Variants in HIPK1 observed in about 807,000 individuals in gnomAD.
The protein encoded by HIPK1 is homeodomain-interacting protein kinase 1.
Under a neutral mutation model 117.1 loss-of-function variants are expected in HIPK1, and 28 were observed. The observed-to-expected ratio is 0.24, with a 90% CI of 0.18 to 0.33. The LOEUF (loss-of-function observed/expected upper bound fraction) is 0.33, where lower values mean the gene tolerates loss of function less well. Among genes scored for constraint, HIPK1 ranks in the 10% least tolerant of loss-of-function variants. The probability of loss-of-function intolerance (pLI) is 1.00; values close to 1 mark genes in which losing one functional copy is unlikely to be tolerated. For missense variants in HIPK1, 1,122 were observed against 1,475.1 expected, an observed-to-expected ratio of 0.76 and a Z score of 3.92; for synonymous variants, 605 against 562.5, an observed-to-expected ratio of 1.08 and a Z score of -1.07.
intron 1 of HIPK1, among the ~76,000 whole-genome samples, chr1:113,939,720 TG>T (rs1361911591): frequency 6.6e-6 from 1 of 152,004 alleles, no homozygotes; most frequent in African/African-American, 2.4e-5. Flanking sequence ...TGAGATCGGA[TG>T]GTTGAAAATG....
intron 13 of HIPK1, among the ~76,000 whole-genome samples, chr1:113,969,587 A>G (rs1451768595): frequency 6.6e-6 from 1 of 152,150 alleles, no homozygotes; most frequent in African/African-American, 2.4e-5. Context: ...GGAGAACCAG[A>G]GACAGATCAT....
At chr1:113,970,960 G>A (rs1672786493) in intron 14 of HIPK1, among the ~76,000 whole-genome samples, 1 of 152,200 alleles carries the variant, frequency 6.6e-6, no homozygotes, top group East Asian at 1.9e-4. Flanking sequence ...ATGCAAGTGA[G>A]CCCAGGCAAT....
intron 8 of HIPK1, among the ~76,000 whole-genome samples, chr1:113,961,958 A>C (rs1373889612): frequency 1.3e-5 from 2 of 151,518 alleles, no homozygotes; most frequent in African/African-American, 4.8e-5. Flanking sequence ...AAAAAAAAAA[A>C]AAAAAAAAAA....
At chr1:113,944,878 C>T (rs1440470889) in intron 2 of HIPK1, among the ~76,000 whole-genome samples, 1 of 151,966 alleles carries the variant, frequency 6.6e-6, no homozygotes, top group Non-Finnish European at 1.5e-5. Flanking sequence ...GACAGAGTCC[C>T]ACTTTGTCAC....
intron 3 of HIPK1, among the ~76,000 whole-genome samples, chr1:113,953,412 A>G (rs1671497649): frequency 6.6e-6 from 1 of 152,216 alleles, no homozygotes; most frequent in East Asian, 1.9e-4. Flanking sequence ...AAAAATAGAC[A>G]AACTTTAGGA....
At chr1:113,938,927 A>ATACACACAC (rs60152674) in intron 1 of HIPK1, among the ~76,000 whole-genome samples, 22 of 118,394 alleles carry the variant, frequency 1.9e-4, no homozygotes, top group African/African-American at 3.3e-4. Flanking sequence ...AAAAAAAAAA[A>ATACACACAC]ATACACACAC....
chr1:113,962,231 G>C lies in HIPK1; in HGVS notation c.1982-86G>C. On this transcript the variant is annotated intron_variant, in intron 8 of 15. Coordinates refer to ENST00000426820, the MANE Select transcript of HIPK1 (RefSeq NM_198268.3). ...TTAAAACCTGAACAGTGGATTATTT[G>C]AACAGAGAAGCTGAAAACAAAATAA... is the stretch of plus-strand genomic sequence containing the variant. 5 of 1,372,872 alleles carry C rather than the reference G, an allele frequency of 3.6e-6. No individual in the cohort carries two copies. In the South Asian group the frequency reaches 6.6e-5, roughly 18 times the overall value. The allele number at this position is 1,372,872 out of a possible 1,614,324, so 85.0% of individuals were successfully genotyped here. A position where few individuals can be genotyped will look rare whatever the true frequency, so the allele number is the denominator to read the frequency against.
In HIPK1 at chr1:113,977,352, AGTACATTATAT is replaced by A. The variant is rs559440971; in HGVS notation, c.*3855_*3865del. 17 of 152,882 alleles carry A rather than the reference AGTACATTATAT, an allele frequency of 1.1e-4. No individual in the cohort carries two copies. The South Asian group carries it at 3.3e-3, about 30-fold the overall frequency. The allele number at this position is 152,882 out of a possible 1,614,324, so 9.5% of individuals were successfully genotyped here. On this transcript the variant is annotated 3_prime_UTR_variant, in exon 16 of 16. Coordinates refer to ENST00000426820, the MANE Select transcript of HIPK1 (RefSeq NM_198268.3). The stretch of plus-strand genomic sequence containing the variant: ...GAAAAATAATCTCACTACATGTAGC[AGTACATTATAT>A]GTACATTATATGTAATGTTAGTATT...
At position 113,973,077 on chromosome 1, in the gene HIPK1, C is replaced by A. The variant is rs995492156; in HGVS notation, c.3198C>A (p.Ala1066=). 5.9e-6 allele frequency: 9 copies of A among 1,533,926 alleles called. No individual in the cohort carries two copies. Among genetic ancestry groups the A allele is most frequent in the Non-Finnish European group, 7.9e-6 (9 of 1,140,862 alleles). ...CACAGGAGAGAAGCAGCAACCCAGC[C>A]CCCCGCAGGCAGCAGGCGTTTGTGG... is the stretch of plus-strand genomic sequence containing the variant. The part of the protein sequence containing the change: ...PTSQERSSNP[A]PRRQQAFVAP... The change falls in exon 16 of 16, where the codon GCC becomes GCA. Residue 1066 remains alanine, a synonymous_variant. Coordinates refer to ENST00000426820, the MANE Select transcript of HIPK1 (RefSeq NM_198268.3).
chr1:113,972,862 A>AG (rs1255472019), intron 15 of HIPK1, among the ~76,000 whole-genome samples, 162 bp from the exon 16 acceptor site: 1 of 152,134 alleles, frequency 6.6e-6, no homozygotes, highest in Non-Finnish European at 1.5e-5. Context: ...AGGCAGAAGG[A>AG]GGGGTGGCTG....
chr1:113,944,158 G>GTTTTTT (rs1474594102), intron 2 of HIPK1, among the ~76,000 whole-genome samples: 5 of 84,598 alleles, frequency 5.9e-5, no homozygotes, highest in African/African-American at 2.9e-4. Flanking sequence ...AATAGCCATG[G>GTTTTTT]GTTTTTTTTT....
At position 113,940,633 on chromosome 1, in the gene HIPK1, A is replaced by G. The variant is rs774822649; in HGVS notation, c.250A>G (p.Ile84Val). The G allele has an allele frequency of 6.2e-7, 1 of 1,614,184 alleles. No homozygotes were observed. Among genetic ancestry groups the G allele is most frequent in the Non-Finnish European group, 8.5e-7 (1 of 1,180,026 alleles). Reference sequence around the variant, plus strand: ...CCTCCCAGCTCCTGCAGTGGAGCATATTGTTGTAACAGCCGCTGATAGCTC... The same window carrying G: ...CCTCCCAGCTCCTGCAGTGGAGCATGTTGTTGTAACAGCCGCTGATAGCTC... ...LLLPAPAVEHIVVTAADSSGS... is the reference protein window; with the variant it reads ...LLLPAPAVEHVVVTAADSSGS... Residue 84 changes from isoleucine (I) to valine (V), a missense_variant, in exon 2 of 16, where the codon ATT becomes GTT. Transcript: ENST00000426820.
chr1:113,969,878 G>T (rs529970108), intron 13 of HIPK1, 78 bp from the exon 14 acceptor site: 6 of 1,536,734 alleles, frequency 3.9e-6, no homozygotes, highest in African/African-American at 1.4e-5. Flanking sequence ...CTGCACTCCA[G>T]CCTGGGTGAC....
At chr1:113,929,708 C>A in intron 1 of HIPK1, 176 bp downstream of exon 1, 2 of 828,166 alleles carry the variant, frequency 2.4e-6, no homozygotes, top group Non-Finnish European at 3.0e-6. Flanking sequence ...GCGCGCGGGG[C>A]TGAGGCGGCG....
chr1:113,964,148 T>A (rs1023323550), intron 10 of HIPK1, among the ~76,000 whole-genome samples: 2 of 152,048 alleles, frequency 1.3e-5, no homozygotes, highest in African/African-American at 4.8e-5. Context: ...TTTAAAGATA[T>A]TCCCTTTAGA....
At chr1:113,936,902 G>A (rs1571648537) in intron 1 of HIPK1, among the ~76,000 whole-genome samples, 1 of 152,090 alleles carries the variant, frequency 6.6e-6, no homozygotes, top group Admixed American at 6.6e-5. Context: ...TTAAAATTAG[G>A]TGAACAATAT....
At chr1:113,952,628 T>C in intron 2 of HIPK1, 138 bp from the exon 3 acceptor site, 1 of 567,954 alleles carries the variant, frequency 1.8e-6, no homozygotes, top group Non-Finnish European at 2.7e-6. Context: ...AGATGATGGA[T>C]TGTATACCAA....
At position 113,940,678 on chromosome 1, in the gene HIPK1, A is replaced by C. The variant is rs182205849; in HGVS notation, c.295A>C (p.Thr99Pro). Residue 99 changes from threonine (T) to proline (P), a missense_variant, in exon 2 of 16, where the codon ACC (threonine) becomes CCC (proline). By Grantham distance (38) the Thr-to-Pro change is conservative. Coordinates refer to ENST00000426820, the MANE Select transcript of HIPK1 (RefSeq NM_198268.3). ...TAGCTCGGGCAGTGCTGCTACATCA[A>C]CCTTCCAAAGCAGCCAGACCCTGAC... ...ADSSGSAATS[T>P]FQSSQTLTHR... 1 of 1,614,072 alleles carries C rather than the reference A, an allele frequency of 6.2e-7. No homozygotes were observed. The highest frequency in any genetic ancestry group is 8.5e-7 in the Non-Finnish European group (1 of 1,180,006).
chr1:113,934,674 G>A (rs1303034980), intron 1 of HIPK1, among the ~76,000 whole-genome samples: 1 of 151,582 alleles, frequency 6.6e-6, no homozygotes, highest in Non-Finnish European at 1.5e-5. Context: ...TGCCAGGTAC[G>A]GTGGCTCATG....
Sources: gnomAD v4.1 joint callset for allele counts (sites outside exome capture counted in the v4.1 genomes callset) on GRCh38, gnomAD v4.1.1 for gene constraint, MANE v1.5 for transcripts, NCBI Gene and HGNC (gene_info 2026-07-23, HGNC 2026-07-21) for gene names.